AK9: variants seen among roughly 807,000 people sequenced by gnomAD.
The protein encoded by AK9 is adenylate kinase 9.
A neutral mutation model predicts 239.6 loss-of-function variants in AK9; 191 were observed. That is an observed-to-expected ratio of 0.80 (90% CI 0.71 to 0.90). The LOEUF is 0.90. AK9 is among the 40% of genes least tolerant of loss of function. AK9 has a pLI of 0.00. For synonymous variants in AK9, 689 were observed against 721.0 expected (o/e 0.96, Z 0.71); for missense variants, 1,995 against 2,214.7 (o/e 0.90, Z 1.99).
chr6:109,499,909 T>C (rs937947397), intron 35 of AK9, among the ~76,000 whole-genome samples: 9 of 152,294 alleles, frequency 5.9e-5, no homozygotes, highest in African/African-American at 2.2e-4. Context: ...CCAATTTACC[T>C]AATTCTTTTT....
intron 5 of AK9, among the ~76,000 whole-genome samples, chr6:109,667,972 C>T (rs538486065): frequency 2.0e-5 from 3 of 152,314 alleles, no homozygotes; most frequent in East Asian, 1.9e-4. Flanking sequence ...CCTGAGGAAT[C>T]GCCACAGTCT....
intron 30 of AK9, 91 bp downstream of exon 30, chr6:109,516,339 A>T: frequency 8.7e-7 from 1 of 1,143,472 alleles, no homozygotes; most frequent in Non-Finnish European, 1.2e-6. Context: ...ACATTTTTTA[A>T]ATGTTTAAAG....
intron 8 of AK9, among the ~76,000 whole-genome samples, chr6:109,646,185 T>C (rs941874060): frequency 6.6e-6 from 1 of 152,262 alleles, no homozygotes; most frequent in African/African-American, 2.4e-5. Context: ...GTGCCTCTAA[T>C]CCTCCAAAGG....
chr6:109,518,584 T>G (rs1481028792), intron 29 of AK9, among the ~76,000 whole-genome samples: 1 of 152,016 alleles, frequency 6.6e-6, no homozygotes, highest in Non-Finnish European at 1.5e-5. Context: ...AGTAGAAGTC[T>G]TTCATCACAC....
chr6:109,513,079 G>A (rs1778919838), intron 32 of AK9, among the ~76,000 whole-genome samples: 1 of 152,132 alleles, frequency 6.6e-6, no homozygotes, highest in Non-Finnish European at 1.5e-5. Context: ...TACCCAGGCT[G>A]GTCCTGAACT....
At chr6:109,505,623 A>G (rs1288003765) in intron 35 of AK9, among the ~76,000 whole-genome samples, 2 of 152,192 alleles carry the variant, frequency 1.3e-5, no homozygotes, top group East Asian at 3.8e-4. Flanking sequence ...GTCACTCTGC[A>G]ATCATGGACC....
chr6:109,595,933 T>C (rs951126830), intron 17 of AK9, among the ~76,000 whole-genome samples: 6 of 152,050 alleles, frequency 3.9e-5, no homozygotes, highest in African/African-American at 1.5e-4. Flanking sequence ...CAAACCACCA[T>C]GGCACGTGTA....
chr6:109,552,974 T>C (rs1784538665), intron 24 of AK9, among the ~76,000 whole-genome samples: 1 of 152,192 alleles, frequency 6.6e-6, no homozygotes, highest in African/African-American at 2.4e-5. Context: ...CCTTTCCTCA[T>C]TGCTTGTTTT....
rs899620428 is a variant in AK9 at position 109,495,391 on chromosome 6, A to G, written c.5365T>C (p.Leu1789=). The change falls in exon 39 of 41, where the codon TTA becomes CTA. Residue 1789 remains leucine, a synonymous_variant. Transcript: ENST00000424296. ...CTAGTAAGAAGTATCGGTTCCCTTA[A>G]TGGGGGAAGCTTGTGTGGAAGCTTC... ...EQKLPHKLPP[L]REPILLTSLP... is the part of the protein sequence containing the mutation. The G allele has an allele frequency of 6.2e-7, 1 of 1,613,916 alleles. No individual in the cohort carries two copies. Among genetic ancestry groups the G allele is most frequent in the Non-Finnish European group, 8.5e-7 (1 of 1,179,936 alleles).
chr6:109,651,819 T>G (rs1798994874), intron 8 of AK9, among the ~76,000 whole-genome samples: 1 of 152,080 alleles, frequency 6.6e-6, no homozygotes, highest in South Asian at 2.1e-4. Context: ...ATGGATAAAT[T>G]CCTGGACATA....
At chr6:109,641,713 C>A in intron 9 of AK9, 97 bp from the exon 10 acceptor site, 1 of 1,011,936 alleles carries the variant, frequency 9.9e-7, no homozygotes, top group East Asian at 2.7e-5. Flanking sequence ...CATGCTCCCC[C>A]TGACTCTGGG....
At chr6:109,507,587 A>C (rs1157898106) in intron 33 of AK9, among the ~76,000 whole-genome samples, 1 of 152,172 alleles carries the variant, frequency 6.6e-6, no homozygotes, top group East Asian at 1.9e-4. Context: ...AAGGCTGGTT[A>C]TAGCTTCCAG....
chr6:109,651,628 G>A (rs1192736668), intron 8 of AK9, among the ~76,000 whole-genome samples: 2 of 152,140 alleles, frequency 1.3e-5, no homozygotes, highest in Admixed American at 1.3e-4. Context: ...AATGAATCCA[G>A]AAGCTGGTTT....
At chr6:109,619,577 G>A (rs1464529850) in intron 12 of AK9, among the ~76,000 whole-genome samples, 1 of 151,718 alleles carries the variant, frequency 6.6e-6, no homozygotes, top group East Asian at 1.9e-4. Context: ...ACAATAAAAG[G>A]CATACATCTT....
chr6:109,618,330 C>A (rs1239806996), intron 13 of AK9, among the ~76,000 whole-genome samples: 1 of 149,304 alleles, frequency 6.7e-6, no homozygotes, highest in African/African-American at 2.4e-5. Context: ...TGATTAGTTA[C>A]AAGACTACCA....
chr6:109,676,826 A>C (rs1297495720), intron 1 of AK9, among the ~76,000 whole-genome samples: 1 of 152,152 alleles, frequency 6.6e-6, no homozygotes, highest in Non-Finnish European at 1.5e-5. Context: ...TCACAACAGC[A>C]AAGACATGGA....
intron 29 of AK9, among the ~76,000 whole-genome samples, chr6:109,519,393 A>AGG (rs1779602974): frequency 6.6e-6 from 1 of 152,182 alleles, no homozygotes; most frequent in Non-Finnish European, 1.5e-5. Context: ...AAATCTTCAA[A>AGG]CTGCCTTCCA....
At chr6:109,591,962 G>C (rs770090994) in intron 17 of AK9, among the ~76,000 whole-genome samples, 4 of 151,830 alleles carry the variant, frequency 2.6e-5, no homozygotes, top group Non-Finnish European at 5.9e-5. Flanking sequence ...TGAAAATAAA[G>C]TATAAAAACT....
intron 10 of AK9, 136 bp downstream of exon 10, chr6:109,641,382 C>T (rs530972273): frequency 2.1e-4 from 62 of 299,000 alleles, no homozygotes; most frequent in South Asian, 4.0e-4. Context: ...GAGATGGGTT[C>T]TGACTAGGTC....
Sources: gnomAD v4.1 joint callset for allele counts (sites outside exome capture counted in the v4.1 genomes callset) on GRCh38, gnomAD v4.1.1 for gene constraint, MANE v1.5 for transcripts, NCBI Gene and HGNC (gene_info 2026-07-23, HGNC 2026-07-21) for gene names.